Variants in LARP4B observed in about 807,000 individuals in gnomAD.
The protein encoded by LARP4B is La ribonucleoprotein 4B.
In LARP4B, 12 loss-of-function variants were observed where a neutral mutation model predicts 89.8. The ratio of observed to expected loss-of-function variants is 0.13; its 90% CI spans 0.09 to 0.22. The LOEUF (loss-of-function observed/expected upper bound fraction) is 0.22, where lower values mean the gene tolerates loss of function less well. Ranked by LOEUF, LARP4B falls within the 10% of genes least tolerant of loss-of-function variation. The pLI is 1.00. For missense variants in LARP4B, 757 were observed against 947.7 expected, an observed-to-expected ratio of 0.80 and a Z score of 2.64; for synonymous variants, 367 against 363.3, an observed-to-expected ratio of 1.01 and a Z score of -0.12.
At chr10:949,079 C>G in the LARP4B span, among the ~76,000 whole-genome samples, 1 of 152,252 alleles carries the variant, frequency 6.6e-6, no homozygotes, top group East Asian at 1.9e-4. Context: ...ACTGCCAACC[C>G]GTTTTCCAGG....
chr10:814,632 C>G lies in LARP4B; in HGVS notation c.1929+110G>C. The G allele has an allele frequency of 6.5e-7, 1 of 1,549,884 alleles. No homozygotes were observed. On this transcript the variant is annotated intron_variant, in intron 17 of 17. Transcript: ENST00000316157. This position sits in a 1 kb window ranked among gnomAD's most constrained non-coding sequence, Gnocchi z 4.4. Reference sequence around the variant, plus strand: ...CAACACAGACAGACGCAAATAAAAACCCACCAAATTAGATGTGATTAAAAA... The same window carrying G: ...CAACACAGACAGACGCAAATAAAAAGCCACCAAATTAGATGTGATTAAAAA...
chr10:966,750 G>A, the LARP4B span, among the ~76,000 whole-genome samples: 7 of 152,220 alleles, frequency 4.6e-5, no homozygotes, highest in East Asian at 1.9e-4. Context: ...TGTGGCTGAC[G>A]CCTGGAGAAG....
chr10:813,140 G>A lies in LARP4B; in HGVS notation c.2003C>T (p.Pro668Leu), dbSNP rs528756735. ...AGTGTTTGGCTTTTGTTCTTTTTGG[G>A]GTTGCAATGGGGAAGAAGGAGGCTC... Reference protein sequence around the residue: ...SKEPPSSPLQPQKEQKPNTVG... With the variant: ...SKEPPSSPLQLQKEQKPNTVG... Residue 668 changes from proline to leucine, a missense_variant, in exon 18 of 18, where the codon CCC (proline) becomes CTC (leucine). By Grantham distance (98) the Pro-to-Leu change is moderately conservative. Transcript: ENST00000316157. 23 of 1,613,956 alleles carry A rather than the reference G, an allele frequency of 1.4e-5. No individual in the cohort carries two copies. The South Asian group carries it at 2.3e-4, about 16-fold the overall frequency.
chr10:817,037 G>A (rs1483063216), intron 15 of LARP4B, among the ~76,000 whole-genome samples: 5 of 152,190 alleles, frequency 3.3e-5, no homozygotes, highest in Non-Finnish European at 7.3e-5. Flanking sequence ...GCAACCTGGA[G>A]TGCTCAGCAG....
intron 5 of LARP4B, among the ~76,000 whole-genome samples, chr10:848,261 A>G (rs1407883839): frequency 2.0e-5 from 3 of 152,204 alleles, no homozygotes; most frequent in Non-Finnish European, 2.9e-5. Flanking sequence ...TAACATCTTA[A>G]AAACAAGATA....
intron 5 of LARP4B, among the ~76,000 whole-genome samples, chr10:848,026 A>G (rs544134070): frequency 8.5e-5 from 13 of 152,352 alleles, no homozygotes; most frequent in African/African-American, 2.2e-4. Context: ...CACAGGGCCC[A>G]GGACCCATCA....
Position 811,493 on chromosome 10 carries a change from T to C in LARP4B, c.*1433A>G, listed in dbSNP as rs1277356764. 3.3e-5 allele frequency: 5 copies of C among 152,664 alleles called. No homozygotes were observed. The highest frequency in any genetic ancestry group is 7.3e-5 in the Non-Finnish European group (5 of 68,050). 9.5% of individuals were successfully genotyped at this position (152,664 alleles called of 1,614,324 possible). On this transcript the variant is annotated 3_prime_UTR_variant, in exon 18 of 18. Coordinates refer to ENST00000316157, the MANE Select transcript of LARP4B (RefSeq NM_015155.3). ...ACTAGCTCTTGTACTACAGTATGCT[T>C]ACTCAGTAAAACTAGCGACAGGAGA...
At chr10:915,779 G>C (rs914988755) in intron 1 of LARP4B, among the ~76,000 whole-genome samples, 2 of 145,548 alleles carry the variant, frequency 1.4e-5, no homozygotes, top group African/African-American at 5.1e-5. Flanking sequence ...GTTGCAGTGA[G>C]CCCAGATGGC....
At chr10:957,417 C>T in the LARP4B span, among the ~76,000 whole-genome samples, 6 of 152,168 alleles carry the variant, frequency 3.9e-5, no homozygotes, top group Admixed American at 6.5e-5. Flanking sequence ...CCACCCACCT[C>T]GGCCTCCCAA....
chr10:974,365 A>G, the LARP4B span, among the ~76,000 whole-genome samples: 43 of 152,220 alleles, frequency 2.8e-4, 1 homozygote, highest in South Asian at 8.3e-3. Context: ...TCTCCAGACA[A>G]TGCTGAGCTT....
intron 1 of LARP4B, among the ~76,000 whole-genome samples, chr10:926,279 G>A (rs1380535736): frequency 6.6e-6 from 1 of 152,230 alleles, no homozygotes; most frequent in Non-Finnish European, 1.5e-5. Context: ...AATCTCAGAA[G>A]TTAATGCAAA....
At chr10:840,735 A>G (rs573109355) in intron 7 of LARP4B, among the ~76,000 whole-genome samples, 2 of 152,246 alleles carry the variant, frequency 1.3e-5, no homozygotes, top group Non-Finnish European at 2.9e-5. Context: ...CAAGAGCTGC[A>G]CTATTCAAAG....
intron 7 of LARP4B, among the ~76,000 whole-genome samples, chr10:839,856 G>A (rs1001471865): frequency 1.3e-5 from 2 of 152,140 alleles, no homozygotes; most frequent in Admixed American, 6.5e-5. Context: ...AGTGTCCACA[G>A]CAATTTGTAG....
At position 809,798 on chromosome 10, in the gene LARP4B, CA is replaced by C. The variant is rs2131579546; in HGVS notation, c.*3127del. On this transcript the variant is annotated 3_prime_UTR_variant, in exon 18 of 18. Coordinates refer to ENST00000316157, the MANE Select transcript of LARP4B (RefSeq NM_015155.3). The stretch of plus-strand genomic sequence containing the variant: ...AGTGGGCCGCGAGGCACGCAAGCCG[CA>C]ACTACAGCTCGCCAGCGGGGCACAC... 6.5e-6 allele frequency: 1 copy of C among 152,842 alleles called. No homozygotes were observed. The highest frequency in any genetic ancestry group is 2.4e-5 in the African/African-American group (1 of 41,598). 9.5% of individuals were successfully genotyped at this position (152,842 alleles called of 1,614,324 possible). A position where few individuals can be genotyped will look rare whatever the true frequency, so the allele number is the denominator to read the frequency against.
At chr10:951,085 T>G in the LARP4B span, among the ~76,000 whole-genome samples, 1 of 152,092 alleles carries the variant, frequency 6.6e-6, no homozygotes, top group Non-Finnish European at 1.5e-5. Context: ...TTGCAATAGC[T>G]AGGACTGCTA....
At chr10:908,444 G>A (rs533013135) in intron 1 of LARP4B, among the ~76,000 whole-genome samples, 2 of 152,114 alleles carry the variant, frequency 1.3e-5, no homozygotes, top group South Asian at 2.1e-4. Flanking sequence ...ACCCAAAGAG[G>A]GGGCCATGGG....
chr10:965,067 G>C, the LARP4B span, among the ~76,000 whole-genome samples: 1 of 152,216 alleles, frequency 6.6e-6, no homozygotes, highest in South Asian at 2.1e-4. Flanking sequence ...TGCAGGGTCA[G>C]GCCGGGAGTG....
chr10:931,769 G>C (rs1353238369), upstream of LARP4B: 2 of 150,210 alleles, frequency 1.3e-5, no homozygotes, highest in East Asian at 2.0e-4. Context: ...CCCTGAACTC[G>C]CGCACTCACC....
chr10:967,998 G>A, the LARP4B span, among the ~76,000 whole-genome samples: 10 of 152,108 alleles, frequency 6.6e-5, no homozygotes, highest in East Asian at 3.9e-4. Context: ...CACCGCGCCC[G>A]GCCCTGTTTT....
Sources: gnomAD v4.1 joint callset for allele counts (sites outside exome capture counted in the v4.1 genomes callset) on GRCh38, gnomAD v4.1.1 for gene constraint, Gnocchi (gnomAD v3.1) non-coding constraint, MANE v1.5 for transcripts, NCBI Gene and HGNC (gene_info 2026-07-23, HGNC 2026-07-21) for gene names.